RBFOX1: variants seen among roughly 807,000 people sequenced by gnomAD.
The protein encoded by RBFOX1 is RNA binding protein fox-1 homolog 1.
In RBFOX1, 8 loss-of-function variants were observed where a neutral mutation model predicts 57.7. The observed-to-expected ratio is 0.14, with a 90% CI of 0.08 to 0.25. The LOEUF is 0.25. RBFOX1 is among the 10% of genes least tolerant of loss of function. The pLI is 1.00. For missense variants in RBFOX1, 611 were observed against 548.5 expected (o/e 1.11, Z -1.14); for synonymous variants, 326 against 222.4 (o/e 1.47, Z -4.15).
chr16:7,659,124 T>G (rs565339001), intron 12 of RBFOX1, among the ~76,000 whole-genome samples: 105 of 152,342 alleles, frequency 6.9e-4, no homozygotes, highest in Non-Finnish European at 1.4e-3. Flanking sequence ...CTGCCCTTTC[T>G]CAGGTAATTG....
chr16:6,977,709 G>C (rs2087436192), intron 3 of RBFOX1, among the ~76,000 whole-genome samples: 1 of 152,222 alleles, frequency 6.6e-6, no homozygotes, highest in East Asian at 1.9e-4. Context: ...TGATTGAAAT[G>C]AATTGAAATT....
At chr16:5,553,718 TACACATATA>T (rs2045560591) in intron 2 of RBFOX1, among the ~76,000 whole-genome samples, 2 of 150,298 alleles carry the variant, frequency 1.3e-5, no homozygotes, top group African/African-American at 2.5e-5. Context: ...TGTGTGTATA[TACACATATA>T]TATGTATATA....
At chr16:5,724,970 G>A (rs1030219354) in intron 3 of RBFOX1, among the ~76,000 whole-genome samples, 1 of 152,162 alleles carries the variant, frequency 6.6e-6, no homozygotes, top group Non-Finnish European at 1.5e-5. Context: ...GTATCAGGAG[G>A]TGTCTCTGCT....
intron 3 of RBFOX1, among the ~76,000 whole-genome samples, chr16:5,796,874 ATTGT>A (rs1403679355): frequency 6.6e-6 from 1 of 152,108 alleles, no homozygotes; most frequent in Non-Finnish European, 1.5e-5. Flanking sequence ...TCATCAATTC[ATTGT>A]TTGTTCATCG....
At chr16:6,666,569 C>T (rs2098734382) in intron 3 of RBFOX1, among the ~76,000 whole-genome samples, 1 of 150,298 alleles carries the variant, frequency 6.7e-6, no homozygotes, top group Admixed American at 6.6e-5. Flanking sequence ...CAAATCATGT[C>T]ACTGAGGTCA....
At chr16:7,254,416 A>G (rs1192264263) in intron 4 of RBFOX1, among the ~76,000 whole-genome samples, 1 of 152,096 alleles carries the variant, frequency 6.6e-6, no homozygotes, top group Non-Finnish European at 1.5e-5. Flanking sequence ...TGGAATCTCC[A>G]TTGCCAAGAT....
intron 2 of RBFOX1, among the ~76,000 whole-genome samples, chr16:6,418,519 ATTTTTTTTTT>A (rs567448072): frequency 3.0e-5 from 3 of 100,942 alleles, no homozygotes; most frequent in African/African-American, 1.2e-4. Context: ...TGCAAGCCTT[ATTTTTTTTTT>A]TTTTTTTTTT....
At chr16:6,770,310 G>T (rs1010127621) in intron 3 of RBFOX1, among the ~76,000 whole-genome samples, 25 of 152,144 alleles carry the variant, frequency 1.6e-4, no homozygotes, top group African/African-American at 6.0e-4. Flanking sequence ...AATTGAAACT[G>T]TACAAATCAA....
At chr16:5,981,275 G>A (rs1197221211) in intron 4 of RBFOX1, among the ~76,000 whole-genome samples, 3 of 152,206 alleles carry the variant, frequency 2.0e-5, no homozygotes, top group Non-Finnish European at 2.9e-5. Flanking sequence ...GATCTTTGGG[G>A]TATTATGGAG....
At chr16:5,367,330 C>T (rs1596685764) in intron 1 of RBFOX1, among the ~76,000 whole-genome samples, 1 of 152,196 alleles carries the variant, frequency 6.6e-6, no homozygotes, top group Non-Finnish European at 1.5e-5. Flanking sequence ...CTGCCCAGAA[C>T]ACAGGCTGAG....
chr16:6,215,225 A>AGGAAGGGAAGGAAT (rs1491490221), intron 1 of RBFOX1, among the ~76,000 whole-genome samples: 74 of 124,128 alleles, frequency 6.0e-4, no homozygotes, highest in Admixed American at 9.7e-4. Context: ...GGGGAGAGAC[A>AGGAAGGGAAGGAAT]AAGAGGGGAA....
At chr16:5,620,511 G>T (rs951211189) in intron 3 of RBFOX1, among the ~76,000 whole-genome samples, 1 of 152,146 alleles carries the variant, frequency 6.6e-6, no homozygotes, top group African/African-American at 2.4e-5. Context: ...CCTGAGGTCA[G>T]TGTGTCAGCG....
chr16:7,083,806 A>G (rs113149640), intron 4 of RBFOX1, among the ~76,000 whole-genome samples: 9 of 152,124 alleles, frequency 5.9e-5, no homozygotes, highest in African/African-American at 2.2e-4. Context: ...CCATGGTGAC[A>G]TTTGCTTTCA....
At position 6,361,202 on chromosome 16, in the gene RBFOX1, C is replaced by T. The variant is rs1405067296; in HGVS notation, c.-64+44145C>T. Among the ~76,000 whole-genome samples the T allele has an allele frequency of 2.0e-5, 3 of 152,042 alleles. No homozygotes were observed. In the East Asian group the frequency reaches 5.8e-4, roughly 29 times the overall value. Reference sequence around the variant, plus strand: ...GAAACAGGCTCAAAAGGAATGGGACCCAGTGTCGAGGAGAAGAAAGGCACA... The same window carrying T: ...GAAACAGGCTCAAAAGGAATGGGACTCAGTGTCGAGGAGAAGAAAGGCACA... On this transcript the variant is annotated intron_variant, in intron 2 of 15. Transcript: ENST00000550418.
chr16:6,807,504 T>G (rs1380392737), intron 3 of RBFOX1, among the ~76,000 whole-genome samples: 1 of 152,026 alleles, frequency 6.6e-6, no homozygotes, highest in Non-Finnish European at 1.5e-5. Context: ...AATGGGACTT[T>G]GCTTGTCCTA....
intron 3 of RBFOX1, among the ~76,000 whole-genome samples, chr16:5,699,899 T>C (rs2151479398): frequency 6.6e-6 from 1 of 152,312 alleles, no homozygotes; most frequent in South Asian, 2.1e-4. Flanking sequence ...AGTGGTGCGA[T>C]CTCGGCTCAC....
intron 1 of RBFOX1, among the ~76,000 whole-genome samples, chr16:6,171,426 C>A (rs1038720850): frequency 1.3e-5 from 2 of 152,140 alleles, no homozygotes; most frequent in African/African-American, 2.4e-5. Context: ...TCAAAGGTAG[C>A]CTTTGGCCAA....
intron 4 of RBFOX1, among the ~76,000 whole-genome samples, chr16:7,168,454 C>A (rs1009829703): frequency 1.3e-5 from 2 of 152,158 alleles, no homozygotes; most frequent in Non-Finnish European, 2.9e-5. Context: ...TCGTGAACCT[C>A]ATTGGCGAGC....
At chr16:7,052,960 T>G (rs978698783) in intron 4 of RBFOX1, among the ~76,000 whole-genome samples, 1 of 152,098 alleles carries the variant, frequency 6.6e-6, no homozygotes, top group East Asian at 1.9e-4. Flanking sequence ...ATCAGAGAAA[T>G]ATGCTGCTTT....
Sources: gnomAD v4.1 joint callset for allele counts (sites outside exome capture counted in the v4.1 genomes callset) on GRCh38, gnomAD v4.1.1 for gene constraint, MANE v1.5 for transcripts, NCBI Gene and HGNC (gene_info 2026-07-23, HGNC 2026-07-21) for gene names.